NECTIN1: variants seen among roughly 807,000 people sequenced by gnomAD.
The protein encoded by NECTIN1 is nectin-1.
In NECTIN1, 23 loss-of-function variants were observed where a neutral mutation model predicts 48.0. The observed-to-expected ratio is 0.48, with a 90% CI of 0.34 to 0.68. NECTIN1 has a LOEUF of 0.68. Ranked by LOEUF, NECTIN1 falls within the 30% of genes least tolerant of loss-of-function variation. The pLI is 0.01. For missense variants in NECTIN1, 591 were observed against 709.9 expected, an observed-to-expected ratio of 0.83 and a Z score of 1.90; for synonymous variants, 270 against 288.9, an observed-to-expected ratio of 0.93 and a Z score of 0.66.
chr11:119,674,069 A>G (rs1443358592), intron 5 of NECTIN1, among the ~76,000 whole-genome samples: 4 of 152,136 alleles, frequency 2.6e-5, no homozygotes, highest in Non-Finnish European at 5.9e-5. Flanking sequence ...AAATATACCC[A>G]CAAATGAGGT....
At chr11:119,703,705 A>G (rs1865494806) in intron 1 of NECTIN1, among the ~76,000 whole-genome samples, 1 of 152,210 alleles carries the variant, frequency 6.6e-6, no homozygotes, top group African/African-American at 2.4e-5. Context: ...GTTAGCAAAG[A>G]ACCTCCTGTC....
intron 1 of NECTIN1, among the ~76,000 whole-genome samples, chr11:119,680,576 G>A (rs1297764564): frequency 3.3e-5 from 5 of 152,162 alleles, no homozygotes; most frequent in African/African-American, 7.2e-5. Context: ...CCTCTCTTCC[G>A]CTCGAGAGGC....
At chr11:119,681,042 C>T (rs1865052258) in intron 1 of NECTIN1, among the ~76,000 whole-genome samples, 1 of 152,242 alleles carries the variant, frequency 6.6e-6, no homozygotes, top group South Asian at 2.1e-4. Context: ...CCTCCTGGTC[C>T]TAACTGTCTC....
Position 119,683,347 on chromosome 11 carries a change from C to A in NECTIN1, c.80-4582G>T, listed in dbSNP as rs1405420535. 6.6e-6 allele frequency among the ~76,000 whole-genome samples: 1 copy of A among 152,178 alleles called. No homozygotes were observed. The highest frequency in any genetic ancestry group is 2.4e-5 in the African/African-American group (1 of 41,440). The stretch of plus-strand genomic sequence containing the variant: ...AGGGACACAGAACAGCAGCACCCAG[C>A]CCAGTGCTTTCCCACCCTGCCACAA... On this transcript the variant is annotated intron_variant, in intron 1 of 5. Transcript: ENST00000264025. The surrounding 1 kb of genome is among the most constrained non-coding windows in gnomAD (Gnocchi z 4.0).
At chr11:119,675,551 C>A (rs4245202) in intron 4 of NECTIN1, 465,017 of 467,368 alleles carry the variant, frequency 0.99, 231,380 homozygotes, top group East Asian at 1. Context: ...TGCCGGTCCC[C>A]CTTAACAGAT....
intron 1 of NECTIN1, among the ~76,000 whole-genome samples, chr11:119,694,379 T>C (rs963963680): frequency 1.3e-5 from 2 of 152,184 alleles, no homozygotes; most frequent in Middle Eastern, 3.2e-3. Context: ...CATAGAAATG[T>C]ACTGTGGTGG....
At position 119,683,332 on chromosome 11, in the gene NECTIN1, A is replaced by G. The variant is rs1865093151; in HGVS notation, c.80-4567T>C. Among the ~76,000 whole-genome samples, 1 of 152,192 alleles carries G rather than the reference A, an allele frequency of 6.6e-6. No homozygotes were observed. The highest frequency in any genetic ancestry group is 2.4e-5 in the African/African-American group (1 of 41,446). On this transcript the variant is annotated intron_variant, in intron 1 of 5. Coordinates refer to ENST00000264025, the MANE Select transcript of NECTIN1 (RefSeq NM_002855.5). The surrounding 1 kb of genome is among the most constrained non-coding windows in gnomAD (Gnocchi z 4.0). ...TTAGGTCACCTGCTCAGGGACACAG[A>G]ACAGCAGCACCCAGCCCAGTGCTTT...
intron 5 of NECTIN1, among the ~76,000 whole-genome samples, chr11:119,655,254 A>G (rs771506416): frequency 5.3e-5 from 8 of 152,022 alleles, no homozygotes; most frequent in Non-Finnish European, 1.0e-4. Context: ...TAGGCTCACA[A>G]TCAGATTGAG....
chr11:119,720,489 G>A (rs1865809948), intron 1 of NECTIN1, among the ~76,000 whole-genome samples: 2 of 152,282 alleles, frequency 1.3e-5, no homozygotes, highest in South Asian at 2.1e-4. Context: ...AGGCACCTGC[G>A]AAAGCGTGGG....
intron 1 of NECTIN1, among the ~76,000 whole-genome samples, chr11:119,723,216 C>CAA (rs34528775): frequency 0.025 from 1,423 of 57,396 alleles, 43 homozygotes; most frequent in African/African-American, 0.047. Flanking sequence ...GACTCTGTCT[C>CAA]AAAAAAAAAA....
At chr11:119,686,710 C>T (rs192414503) in intron 1 of NECTIN1, among the ~76,000 whole-genome samples, 153 of 152,338 alleles carry the variant, frequency 1.0e-3, no homozygotes, top group African/African-American at 3.3e-3. Flanking sequence ...CCGTTACCTG[C>T]GCAAGTCCTT....
chr11:119,678,567 T>G lies in NECTIN1; in HGVS notation c.278A>C (p.Tyr93Ser), dbSNP rs1306078528. The G allele has an allele frequency of 6.2e-7, 1 of 1,614,130 alleles. No individual in the cohort carries two copies. Among genetic ancestry groups the G allele is most frequent in the Non-Finnish European group, 8.5e-7 (1 of 1,180,026 alleles). The change falls in exon 2 of 6, where the codon TAC becomes TCC. Residue 93 changes from tyrosine (Y) to serine (S), a missense_variant. Tyr to Ser is a moderately radical substitution (Grantham distance 144). Transcript: ENST00000264025. The surrounding 1 kb of genome is among the most constrained non-coding windows in gnomAD (Gnocchi z 4.4). ...CCGCAGGAATTCCACACGCTCGCGGTAGGGAGCCAGCACGGACACGCCCAT... is the reference window on the plus strand; with the variant it reads ...CCGCAGGAATTCCACACGCTCGCGGGAGGGAGCCAGCACGGACACGCCCAT... ...PSMGVSVLAPYRERVEFLRPS... is the reference protein window; with the variant it reads ...PSMGVSVLAPSRERVEFLRPS...
rs1864899897 is a variant in NECTIN1, at chr11:119,673,828, C to T, written c.1003+1331G>A. Among the ~76,000 whole-genome samples, 1 of 152,190 alleles carries T rather than the reference C, an allele frequency of 6.6e-6. No individual in the cohort carries two copies. The highest frequency in any genetic ancestry group is 1.5e-5 in the Non-Finnish European group (1 of 68,038). On this transcript the variant is annotated intron_variant, in intron 5 of 5. Transcript: ENST00000264025. The surrounding 1 kb of genome is among the most constrained non-coding windows in gnomAD (Gnocchi z 5.8). Reference sequence around the variant, plus strand: ...TTCCCCGCTGGGGAGAAGTGTGTGACACCGGCCCCTTCCACCTGCCAACCC... The same window carrying T: ...TTCCCCGCTGGGGAGAAGTGTGTGATACCGGCCCCTTCCACCTGCCAACCC...
At chr11:119,655,914 A>G (rs947967036) in intron 5 of NECTIN1, among the ~76,000 whole-genome samples, 1 of 152,068 alleles carries the variant, frequency 6.6e-6, no homozygotes, top group African/African-American at 2.4e-5. Flanking sequence ...TATTTATTTT[A>G]AGACACAAGA....
rs950519391 is a variant in NECTIN1 at position 119,691,967 on chromosome 11, C to T, written c.80-13202G>A. ...GCCGCGGCCTGTCTTCTTCCTGCCC[C>T]GCCGGGCAGGGGCATGTGGGGTGAG... is the stretch of plus-strand genomic sequence containing the variant. On this transcript the variant is annotated intron_variant, in intron 1 of 5. Coordinates refer to ENST00000264025, the MANE Select transcript of NECTIN1 (RefSeq NM_002855.5). Among the ~76,000 whole-genome samples, 14 of 152,166 alleles carry T rather than the reference C, an allele frequency of 9.2e-5. 1 individual carries two copies. Among genetic ancestry groups the T allele is most frequent in the Admixed American group, 2.6e-4 (4 of 15,288 alleles).
At chr11:119,676,100 T>C (rs1467207150) in intron 4 of NECTIN1, among the ~76,000 whole-genome samples, 1 of 152,228 alleles carries the variant, frequency 6.6e-6, no homozygotes, top group Non-Finnish European at 1.5e-5. Flanking sequence ...GGAATCTGTA[T>C]TTGACAAGCC....
rs899320624 is a variant in NECTIN1 at position 119,706,259 on chromosome 11, C to T, written c.79+22216G>A. ...CTATTCAGCACCAACACCAGCGGAC[C>T]GACAGCCCAAGATTAAAGGCAATTA... On this transcript the variant is annotated intron_variant, in intron 1 of 5. Coordinates refer to ENST00000264025, the MANE Select transcript of NECTIN1 (RefSeq NM_002855.5). Among the ~76,000 whole-genome samples, 28 of 152,244 alleles carry T rather than the reference C, an allele frequency of 1.8e-4. 1 individual carries two copies. The highest frequency in any genetic ancestry group is 6.2e-4 in the South Asian group (3 of 4,822).
At chr11:119,710,859 C>A (rs1439367808) in intron 1 of NECTIN1, among the ~76,000 whole-genome samples, 1 of 152,110 alleles carries the variant, frequency 6.6e-6, no homozygotes, top group African/African-American at 2.4e-5. Flanking sequence ...CATCACACAG[C>A]GCCCGCCTGT....
At position 119,683,391 on chromosome 11, in the gene NECTIN1, C is replaced by A. The variant is rs2135556131; in HGVS notation, c.80-4626G>T. Reference sequence around the variant, plus strand: ...GCCACAAAAACAGACTCTGGCTCAACCTAACTCCCTGGGGCCTCTTTCTGG... The same window carrying A: ...GCCACAAAAACAGACTCTGGCTCAAACTAACTCCCTGGGGCCTCTTTCTGG... On this transcript the variant is annotated intron_variant, in intron 1 of 5. Transcript: ENST00000264025. The surrounding 1 kb of genome is among the most constrained non-coding windows in gnomAD (Gnocchi z 4.0). Among the ~76,000 whole-genome samples, 1 of 152,316 alleles carries A rather than the reference C, an allele frequency of 6.6e-6. No homozygotes were observed. The highest frequency in any genetic ancestry group is 2.1e-4 in the South Asian group (1 of 4,830).
Sources: allele counts gnomAD v4.1 joint callset (sites outside exome capture counted in the v4.1 genomes callset), GRCh38; gene constraint gnomAD v4.1.1; non-coding constraint Gnocchi (gnomAD v3.1); transcripts MANE v1.5; gene names NCBI Gene and HGNC (gene_info 2026-07-23, HGNC 2026-07-21).